SV2C: variants seen among roughly 807,000 people sequenced by gnomAD.
SV2C encodes solute carrier family 22 member B3.
In SV2C, 49 loss-of-function variants were observed where a neutral mutation model predicts 79.7. The ratio of observed to expected loss-of-function variants is 0.61; its 90% CI spans 0.49 to 0.78. The LOEUF is 0.78. SV2C is among the 30% of genes least tolerant of loss of function. The pLI, the probability that SV2C is intolerant of heterozygous loss-of-function variation, is 0.00. For synonymous variants in SV2C, 334 were observed against 333.2 expected (o/e 1.00, Z -0.03); for missense variants, 833 against 912.9 (o/e 0.91, Z 1.13).
In SV2C at chr5:76,174,225, C is replaced by T. The variant is rs572372815; in HGVS notation, c.581-20694C>T. ...AACCTAGTACTCTGCGAACCTCTCA[C>T]GCTGTCACCGGGTCTCTGCAGCCAG... On this transcript the variant is annotated intron_variant, in intron 2 of 12. Transcript: ENST00000502798. 53 of 1,589,880 alleles carry T rather than the reference C, an allele frequency of 3.3e-5. 1 individual carries two copies. Among genetic ancestry groups the T allele is most frequent in the Admixed American group, 8.3e-5 (5 of 60,000 alleles).
chr5:76,223,748 G>T (rs997360441), intron 4 of SV2C, among the ~76,000 whole-genome samples: 2 of 151,808 alleles, frequency 1.3e-5, no homozygotes, highest in African/African-American at 4.8e-5. Flanking sequence ...CTCCAAACTT[G>T]CATACCTGTC....
intron 4 of SV2C, among the ~76,000 whole-genome samples, chr5:76,224,212 G>T (rs1209008232): frequency 6.6e-6 from 1 of 152,058 alleles, no homozygotes; most frequent in Non-Finnish European, 1.5e-5. Context: ...CTGTTTTATT[G>T]TTAGCTACCT....
At chr5:76,197,024 C>G (rs1744290713) in intron 3 of SV2C, among the ~76,000 whole-genome samples, 1 of 152,338 alleles carries the variant, frequency 6.6e-6, no homozygotes, top group African/African-American at 2.4e-5. Context: ...CAGGTCAGGA[C>G]TCCCGGGGGC....
At chr5:76,034,562 C>T in the SV2C span, among the ~76,000 whole-genome samples, 54 of 152,106 alleles carry the variant, frequency 3.6e-4, no homozygotes, top group East Asian at 7.7e-4. Flanking sequence ...TATTGATTTG[C>T]GTATATTGAA....
At chr5:75,882,640 G>A in the SV2C span, among the ~76,000 whole-genome samples, 18,636 of 151,762 alleles carry the variant, frequency 0.12, 1,261 homozygotes, top group African/African-American at 0.21. Context: ...ACAAAAACAA[G>A]CAATGAGGAA....
At chr5:76,346,858 T>A (rs1046773490) in intron 12 of SV2C, among the ~76,000 whole-genome samples, 1 of 152,150 alleles carries the variant, frequency 6.6e-6, no homozygotes, top group Admixed American at 6.5e-5. Context: ...AGTGAATCCA[T>A]CTCACCTGCA....
At chr5:75,894,691 G>A in the SV2C span, among the ~76,000 whole-genome samples, 2 of 152,044 alleles carry the variant, frequency 1.3e-5, no homozygotes, top group African/African-American at 4.8e-5. Flanking sequence ...AGCAACCTGA[G>A]GTGATAGATA....
In SV2C at chr5:76,132,137, T is replaced by C; in HGVS notation, c.387T>C (p.Ala129=). 1 of 1,614,096 alleles carries C rather than the reference T, an allele frequency of 6.2e-7. No homozygotes were observed. The highest frequency in any genetic ancestry group is 8.5e-7 in the Non-Finnish European group (1 of 1,180,000). The stretch of plus-strand genomic sequence containing the variant: ...GGGAGCTGGAATCAGAAAGGAGAGC[T>C]GACGAGGAAGAGTTAGCCCAGCAGT... ...DRRELESERR[A]DEEELAQQYE... The change falls in exon 2 of 13, where the codon GCT becomes GCC. Residue 129 remains alanine, a synonymous_variant. Coordinates refer to ENST00000502798, the MANE Select transcript of SV2C (RefSeq NM_014979.4).
chr5:76,081,765 C>A (rs753475456), upstream of SV2C, among the ~76,000 whole-genome samples: 6 of 152,114 alleles, frequency 3.9e-5, no homozygotes, highest in Non-Finnish European at 5.9e-5. Flanking sequence ...AAATGAGAGG[C>A]CAAGAGTTGT....
chr5:76,155,847 A>C (rs1327481572), intron 2 of SV2C, among the ~76,000 whole-genome samples: 1 of 150,316 alleles, frequency 6.7e-6, no homozygotes, highest in African/African-American at 2.4e-5. Flanking sequence ...CTGGGGGAGA[A>C]GTAGGTTGTA....
intron 3 of SV2C, among the ~76,000 whole-genome samples, chr5:76,200,177 G>A (rs1469759300): frequency 6.6e-6 from 1 of 152,220 alleles, no homozygotes; most frequent in Non-Finnish European, 1.5e-5. Context: ...GGCCCAGTGA[G>A]TCAGGCACTG....
At chr5:76,114,506 G>T (rs1372193387) in intron 1 of SV2C, among the ~76,000 whole-genome samples, 2 of 152,194 alleles carry the variant, frequency 1.3e-5, no homozygotes, top group African/African-American at 4.8e-5. Flanking sequence ...CCAGGAAAAT[G>T]TGTTTTGCTG....
chr5:76,061,208 G>A, the SV2C span, among the ~76,000 whole-genome samples: 1 of 134,200 alleles, frequency 7.5e-6, no homozygotes, highest in South Asian at 2.5e-4. Flanking sequence ...AGCACATGCT[G>A]TTGGAAAAAT....
chr5:76,273,960 C>A (rs11745508), intron 4 of SV2C, among the ~76,000 whole-genome samples: 2 of 152,140 alleles, frequency 1.3e-5, no homozygotes, highest in Non-Finnish European at 2.9e-5. Context: ...GGTTATAGGT[C>A]AAAAGATTAA....
At chr5:75,860,363 A>T in the SV2C span, among the ~76,000 whole-genome samples, 1 of 152,202 alleles carries the variant, frequency 6.6e-6, no homozygotes, top group South Asian at 2.1e-4. Context: ...TTTAAAAACT[A>T]ATAGGAATGT....
intron 3 of SV2C, among the ~76,000 whole-genome samples, chr5:76,208,309 C>T (rs1280098836): frequency 7.2e-5 from 11 of 152,162 alleles, no homozygotes; most frequent in Admixed American, 2.0e-4. Flanking sequence ...ATTTTTATCA[C>T]TATCTCATTT....
the SV2C span, among the ~76,000 whole-genome samples, chr5:76,073,110 T>C: frequency 6.6e-6 from 1 of 152,208 alleles, no homozygotes; most frequent in Non-Finnish European, 1.5e-5. Context: ...CCCATCTATT[T>C]ATCTTTGTTT....
the SV2C span, among the ~76,000 whole-genome samples, chr5:75,851,005 T>A: frequency 6.6e-6 from 1 of 152,212 alleles, no homozygotes; most frequent in Non-Finnish European, 1.5e-5. Context: ...TTTCTCTTTT[T>A]GCTCTCCCCT....
chr5:75,939,971 T>C, the SV2C span, among the ~76,000 whole-genome samples: 1 of 152,154 alleles, frequency 6.6e-6, no homozygotes, highest in East Asian at 1.9e-4. Flanking sequence ...CAAGATCTCC[T>C]TCCATCGTCC....
Sources: allele counts gnomAD v4.1 joint callset (sites outside exome capture counted in the v4.1 genomes callset), GRCh38; gene constraint gnomAD v4.1.1; transcripts MANE v1.5; gene names NCBI Gene and HGNC (gene_info 2026-07-23, HGNC 2026-07-21).